Variants in FRMD6 observed in about 807,000 individuals in gnomAD.
FRMD6 encodes the protein FERM domain containing 6.
A neutral mutation model predicts 73.2 loss-of-function variants in FRMD6; 37 were observed. The observed-to-expected ratio is 0.51, with a 90% confidence interval of 0.39 to 0.66. The LOEUF is 0.66. FRMD6 is among the 30% of genes least tolerant of loss of function. The pLI is 0.00. For synonymous variants in FRMD6, 273 were observed against 282.2 expected, an observed-to-expected ratio of 0.97 and a Z score of 0.33; for missense variants, 714 against 780.5, an observed-to-expected ratio of 0.91 and a Z score of 1.02.
chr14:51,529,297 C>T (rs544383656), intron 1 of FRMD6, among the ~76,000 whole-genome samples: 1 of 152,188 alleles, frequency 6.6e-6, no homozygotes, highest in African/African-American at 2.4e-5. Flanking sequence ...GTTGACACAT[C>T]TATAAAAAGA....
At chr14:51,430,269 G>A in the FRMD6 span, among the ~76,000 whole-genome samples, 2 of 152,142 alleles carry the variant, frequency 1.3e-5, no homozygotes, top group Admixed American at 6.5e-5. Flanking sequence ...GTTAAAAGCC[G>A]AAAGAAAGAG....
chr14:51,598,583 C>T (rs909038667), intron 2 of FRMD6, among the ~76,000 whole-genome samples: 4 of 152,152 alleles, frequency 2.6e-5, no homozygotes, highest in Non-Finnish European at 5.9e-5. Context: ...ATTCTTGTGG[C>T]CTCCAGGGTC....
intron 2 of FRMD6, among the ~76,000 whole-genome samples, chr14:51,646,559 T>C (rs1892085009): frequency 6.6e-6 from 1 of 151,684 alleles, no homozygotes; most frequent in Non-Finnish European, 1.5e-5. Flanking sequence ...GGGTAAGCTT[T>C]TTTTTCCCCC....
At chr14:51,672,267 T>G (rs966566593) in intron 1 of FRMD6, among the ~76,000 whole-genome samples, 2 of 152,188 alleles carry the variant, frequency 1.3e-5, no homozygotes, top group African/African-American at 4.8e-5. Flanking sequence ...GAGAGTCTTT[T>G]GAGAAAGTTA....
At chr14:51,695,051 A>G (rs370419033) in intron 2 of FRMD6, among the ~76,000 whole-genome samples, 5 of 151,954 alleles carry the variant, frequency 3.3e-5, no homozygotes, top group East Asian at 3.9e-4. Context: ...GAGGAAATAT[A>G]TAACGTTATT....
the FRMD6 span, among the ~76,000 whole-genome samples, chr14:51,450,082 T>C: frequency 6.6e-6 from 1 of 152,220 alleles, no homozygotes; most frequent in East Asian, 1.9e-4. Flanking sequence ...GTGAAAACAA[T>C]CATACCTGTG....
the FRMD6 span, among the ~76,000 whole-genome samples, chr14:51,435,171 G>A: frequency 6.6e-6 from 1 of 152,162 alleles, no homozygotes; most frequent in African/African-American, 2.4e-5. Context: ...CAATTTCCTG[G>A]TTTTGATCAT....
chr14:51,562,273 G>C (rs1887525067), intron 1 of FRMD6, among the ~76,000 whole-genome samples: 1 of 152,144 alleles, frequency 6.6e-6, no homozygotes, highest in East Asian at 1.9e-4. Flanking sequence ...TGCATCCAGG[G>C]ACTAATGGGA....
At chr14:51,671,553 G>A (rs1894005644) in intron 1 of FRMD6, among the ~76,000 whole-genome samples, 1 of 152,132 alleles carries the variant, frequency 6.6e-6, no homozygotes, top group Non-Finnish European at 1.5e-5. Flanking sequence ...ACTAAAAAGG[G>A]TAAGACAGCA....
chr14:51,423,802 C>T, the FRMD6 span, among the ~76,000 whole-genome samples: 1 of 152,200 alleles, frequency 6.6e-6, no homozygotes, highest in Admixed American at 6.5e-5. Context: ...CCTTACTCCA[C>T]ACTTCTTAGG....
At chr14:51,446,445 G>GACACACACAT in the FRMD6 span, among the ~76,000 whole-genome samples, 1 of 139,120 alleles carries the variant, frequency 7.2e-6, no homozygotes, top group African/African-American at 2.7e-5. Context: ...CTCTTGTGTA[G>GACACACACAT]ACACACACAC....
At chr14:51,660,214 G>A (rs1258816667) in intron 1 of FRMD6, among the ~76,000 whole-genome samples, 1 of 152,212 alleles carries the variant, frequency 6.6e-6, no homozygotes, top group Non-Finnish European at 1.5e-5. Context: ...TGAATACTTT[G>A]TGCAATTTCT....
At chr14:51,670,430 ATCAACTGTAGTCTGTTT>A (rs765561086) in intron 1 of FRMD6, among the ~76,000 whole-genome samples, 8 of 152,126 alleles carry the variant, frequency 5.3e-5, no homozygotes, top group Non-Finnish European at 1.2e-4. Flanking sequence ...CCCAATGATA[ATCAACTGTAGTCTGTTT>A]TCAAAACCAG....
chr14:51,487,476 A>C (rs1354976090), upstream of FRMD6, among the ~76,000 whole-genome samples: 1 of 152,160 alleles, frequency 6.6e-6, no homozygotes, highest in Non-Finnish European at 1.5e-5. Context: ...TGAAAATGCA[A>C]GACTGGATTA....
At chr14:51,533,863 G>A (rs955650140) in intron 1 of FRMD6, among the ~76,000 whole-genome samples, 6 of 152,162 alleles carry the variant, frequency 3.9e-5, no homozygotes, top group Non-Finnish European at 5.9e-5. Flanking sequence ...ACTGCACACT[G>A]ACAATAACTC....
chr14:51,485,469 C>T (rs891725289), upstream of FRMD6, among the ~76,000 whole-genome samples: 1 of 152,148 alleles, frequency 6.6e-6, no homozygotes, highest in African/African-American at 2.4e-5. Context: ...CTATTCAACC[C>T]ACTATAGTGA....
chr14:51,711,501 T>A, intron 7 of FRMD6, 30 bp from the exon 8 acceptor site: 1 of 1,446,068 alleles, frequency 6.9e-7, no homozygotes, highest in Non-Finnish European at 9.6e-7. Context: ...ATAAAAACAT[T>A]TAATTTTTTA....
intron 7 of FRMD6, among the ~76,000 whole-genome samples, chr14:51,709,795 T>C (rs986839913): frequency 1.6e-4 from 24 of 152,160 alleles, no homozygotes; most frequent in Admixed American, 9.8e-4. Context: ...ATGAATGATA[T>C]GTTGGAAAGA....
At chr14:51,478,821 C>T in the FRMD6 span, among the ~76,000 whole-genome samples, 1 of 152,090 alleles carries the variant, frequency 6.6e-6, no homozygotes, top group Non-Finnish European at 1.5e-5. Flanking sequence ...TATCTTTAGC[C>T]TAAATCATAG....
Sources: allele counts gnomAD v4.1 joint callset (sites outside exome capture counted in the v4.1 genomes callset), GRCh38; gene constraint gnomAD v4.1.1; transcripts MANE v1.5; gene names NCBI Gene and HGNC (gene_info 2026-07-23, HGNC 2026-07-21).